The following TDRD3 variants were observed in gnomAD, a reference collection of about 807,000 sequenced individuals.
TDRD3 encodes the protein tudor domain containing 3, also known as tudor domain-containing protein 3.
In TDRD3, 45 loss-of-function variants were observed where a neutral mutation model predicts 86.7. The ratio of observed to expected loss-of-function variants is 0.52; its 90% CI spans 0.41 to 0.67. The LOEUF (loss-of-function observed/expected upper bound fraction) is 0.67, where lower values mean the gene tolerates loss of function less well. Ranked by LOEUF, TDRD3 falls within the 30% of genes least tolerant of loss-of-function variation. TDRD3 has a pLI of 0.00. For synonymous variants in TDRD3, 298 were observed against 301.7 expected (o/e 0.99, Z 0.13); for missense variants, 814 against 889.0 (o/e 0.92, Z 1.07).
chr13:60,459,470 G>A (rs1001329595), intron 3 of TDRD3, among the ~76,000 whole-genome samples: 3 of 152,046 alleles, frequency 2.0e-5, no homozygotes, highest in East Asian at 1.9e-4. Flanking sequence ...ATTTAATATC[G>A]AAGTTAAAGT....
chr13:60,531,632 G>T (rs550377226), intron 11 of TDRD3, among the ~76,000 whole-genome samples: 1 of 152,044 alleles, frequency 6.6e-6, no homozygotes, highest in Non-Finnish European at 1.5e-5. Flanking sequence ...TCATACCCTG[G>T]GTAGTAACTG....
At chr13:60,398,012 A>T (rs1953986390) in intron 1 of TDRD3, among the ~76,000 whole-genome samples, 1 of 152,240 alleles carries the variant, frequency 6.6e-6, no homozygotes. Context: ...CCGCAATGTC[A>T]ACTCGTGGGG....
In TDRD3 at chr13:60,445,755, T is replaced by C. The variant is rs377026221; in HGVS notation, c.192+1007T>C. On this transcript the variant is annotated intron_variant, in intron 3 of 13. Coordinates refer to ENST00000377881, the MANE Select transcript of TDRD3 (RefSeq NM_001146070.2). ...AGGTGTGTTGAATGCAACAAATCTC[T>C]ATAGGAAAAGTAAATAATATCAAAG... 5.9e-5 allele frequency among the ~76,000 whole-genome samples: 9 copies of C among 152,308 alleles called. No homozygotes were observed. The East Asian group carries it at 1.7e-3, about 29-fold the overall frequency.
intron 1 of TDRD3, among the ~76,000 whole-genome samples, chr13:60,437,840 G>A (rs1186900938): frequency 6.6e-6 from 1 of 151,834 alleles, no homozygotes; most frequent in Non-Finnish European, 1.5e-5. Flanking sequence ...TCTAAAATTG[G>A]TCTCAACCTA....
At chr13:60,503,882 A>T (rs1956883291) in intron 8 of TDRD3, among the ~76,000 whole-genome samples, 1 of 152,238 alleles carries the variant, frequency 6.6e-6, no homozygotes, top group African/African-American at 2.4e-5. Flanking sequence ...GTTTAAATGA[A>T]ACCTTATAGA....
chr13:60,529,971 T>G (rs1404750714), intron 11 of TDRD3, among the ~76,000 whole-genome samples: 2 of 152,142 alleles, frequency 1.3e-5, no homozygotes, highest in Non-Finnish European at 2.9e-5. Flanking sequence ...ATTTTTTTCC[T>G]TCTGCCCAAC....
intron 12 of TDRD3, 88 bp downstream of exon 12, chr13:60,535,321 C>T (rs1278257223): frequency 7.2e-7 from 1 of 1,379,422 alleles, no homozygotes; most frequent in Non-Finnish European, 9.6e-7. Context: ...ACAAAATATG[C>T]AAGTGGAATC....
intron 12 of TDRD3, among the ~76,000 whole-genome samples, chr13:60,540,853 T>A (rs1164342571): frequency 6.6e-6 from 1 of 152,164 alleles, no homozygotes. Context: ...ATGTTATTAT[T>A]TCATGTTTCA....
chr13:60,544,215 G>A (rs566888083), intron 12 of TDRD3, among the ~76,000 whole-genome samples: 25 of 151,862 alleles, frequency 1.6e-4, no homozygotes, highest in Admixed American at 4.6e-4. Flanking sequence ...TTGGGAGGCC[G>A]AGACAGGAGG....
At chr13:60,504,462 C>A (rs1321677371) in intron 8 of TDRD3, among the ~76,000 whole-genome samples, 1 of 152,186 alleles carries the variant, frequency 6.6e-6, no homozygotes, top group Admixed American at 6.5e-5. Context: ...AGTTTACAAC[C>A]TTAAAACATT....
chr13:60,430,678 T>C (rs1341437130), intron 1 of TDRD3, among the ~76,000 whole-genome samples: 1 of 152,122 alleles, frequency 6.6e-6, no homozygotes, highest in Admixed American at 6.6e-5. Flanking sequence ...ATGTAATATA[T>C]CAATTATGGG....
At chr13:60,476,382 C>T (rs538925509) in intron 5 of TDRD3, among the ~76,000 whole-genome samples, 1 of 152,146 alleles carries the variant, frequency 6.6e-6, no homozygotes, top group South Asian at 2.1e-4. Context: ...GGTTCTTTAT[C>T]CTGTTCCATT....
Position 60,485,868 on chromosome 13 carries a change from C to A in TDRD3, c.637C>A (p.Pro213Thr). The change falls in exon 7 of 14, where the codon CCT (proline) becomes ACT (threonine). Residue 213 changes from proline to threonine, a missense_variant. Coordinates refer to ENST00000377881, the MANE Select transcript of TDRD3 (RefSeq NM_001146070.2). ...AAGAAAAACATTGCAAGTTACAATG[C>A]CTGTCAAACCTACAAATGATAATGA... is the stretch of plus-strand genomic sequence containing the variant. Reference protein sequence around the residue: ...DRRKTLQVTMPVKPTNDNDEF... With the variant: ...DRRKTLQVTMTVKPTNDNDEF... 6.2e-7 allele frequency: 1 copy of A among 1,610,134 alleles called. No homozygotes were observed. The highest frequency in any genetic ancestry group is 8.5e-7 in the Non-Finnish European group (1 of 1,178,234).
At chr13:60,557,206 CAA>C (rs138618410) in intron 12 of TDRD3, among the ~76,000 whole-genome samples, 2 of 117,778 alleles carry the variant, frequency 1.7e-5, no homozygotes, top group African/African-American at 3.5e-5. Flanking sequence ...AACTCTGTCT[CAA>C]AAAAAAAAAA....
intron 3 of TDRD3, among the ~76,000 whole-genome samples, chr13:60,446,392 A>C (rs1485882707): frequency 6.6e-6 from 1 of 151,860 alleles, no homozygotes; most frequent in Admixed American, 6.6e-5. Flanking sequence ...ACGCCTGGCT[A>C]ATTTTTGTAT....
intron 1 of TDRD3, chr13:60,433,900 A>C (rs1476109888): frequency 1.3e-5 from 2 of 152,236 alleles, no homozygotes; most frequent in Non-Finnish European, 2.9e-5. Flanking sequence ...GGATCAAAAG[A>C]AAATTGGCCC....
intron 2 of TDRD3, among the ~76,000 whole-genome samples, chr13:60,443,836 G>T (rs1190180933): frequency 6.6e-6 from 1 of 151,848 alleles, no homozygotes; most frequent in Non-Finnish European, 1.5e-5. Flanking sequence ...CAGTTATTAT[G>T]CTAATCTCAC....
intron 11 of TDRD3, among the ~76,000 whole-genome samples, chr13:60,534,438 G>A (rs968899133): frequency 2.0e-5 from 3 of 152,112 alleles, no homozygotes; most frequent in East Asian, 1.9e-4. Flanking sequence ...ATAAGCCTCC[G>A]GACTTGCAAT....
chr13:60,554,260 A>G (rs1283667869), intron 12 of TDRD3, among the ~76,000 whole-genome samples: 1 of 152,200 alleles, frequency 6.6e-6, no homozygotes, highest in Admixed American at 6.5e-5. Context: ...CTTTTAAAAG[A>G]CTGTCATGCT....
Sources: gnomAD v4.1 joint callset for allele counts (sites outside exome capture counted in the v4.1 genomes callset) on GRCh38, gnomAD v4.1.1 for gene constraint, MANE v1.5 for transcripts, NCBI Gene and HGNC (gene_info 2026-07-23, HGNC 2026-07-21) for gene names.